MITF: variants seen among roughly 807,000 people sequenced by gnomAD.
MITF encodes melanocyte inducing transcription factor.
Under a neutral mutation model 60.5 loss-of-function variants are expected in MITF, and 17 were observed. That is an observed-to-expected ratio of 0.28 (90% CI 0.19 to 0.42). The LOEUF (loss-of-function observed/expected upper bound fraction) is 0.42, where lower values mean the gene tolerates loss of function less well. MITF is among the 10% of genes least tolerant of loss of function. The pLI, the probability that MITF is intolerant of heterozygous loss-of-function variation, is 1.00. For missense variants in MITF, 622 were observed against 683.5 expected (o/e 0.91, Z 1.00); for synonymous variants, 260 against 248.5 (o/e 1.05, Z -0.43).
At chr3:69,769,279 A>T (rs1372506298) in intron 1 of MITF, among the ~76,000 whole-genome samples, 1 of 152,216 alleles carries the variant, frequency 6.6e-6, no homozygotes, top group African/African-American at 2.4e-5. Context: ...TGTGGCAAGA[A>T]TTAAATGAGA....
At chr3:69,777,857 C>T (rs1232161418) in intron 1 of MITF, among the ~76,000 whole-genome samples, 2 of 151,968 alleles carry the variant, frequency 1.3e-5, no homozygotes, top group East Asian at 1.9e-4. Context: ...CTTTTTAAGC[C>T]ATGGTAAGAA....
At chr3:69,767,855 T>G (rs1050281858) in intron 1 of MITF, among the ~76,000 whole-genome samples, 1 of 152,144 alleles carries the variant, frequency 6.6e-6, no homozygotes, top group Non-Finnish European at 1.5e-5. Context: ...CTGAACTGTC[T>G]TTGTGAGGAA....
intron 2 of MITF, among the ~76,000 whole-genome samples, chr3:69,928,185 T>C (rs1298841055): frequency 6.6e-6 from 1 of 152,220 alleles, no homozygotes. Context: ...TACCTAAATC[T>C]TTGTCCCGTA....
At chr3:69,936,533 T>C (rs1403885196) in intron 2 of MITF, 3 of 1,331,784 alleles carry the variant, frequency 2.3e-6, no homozygotes, top group Non-Finnish European at 2.9e-6. Context: ...CGTTTTTTTT[T>C]ACATGCATAA....
chr3:69,783,599 A>G (rs1002227930), intron 1 of MITF, among the ~76,000 whole-genome samples: 3 of 151,948 alleles, frequency 2.0e-5, no homozygotes, highest in South Asian at 2.1e-4. Flanking sequence ...CTAAGGACCT[A>G]CTTACTCTAA....
Position 69,772,406 on chromosome 3 carries a change from G to A in MITF, c.104+32705G>A, listed in dbSNP as rs1018686402. Among the ~76,000 whole-genome samples the A allele has an allele frequency of 5.3e-5, 8 of 152,190 alleles. No homozygotes were observed. The South Asian group carries it at 6.2e-4, about 12-fold the overall frequency. On this transcript the variant is annotated intron_variant, in intron 1 of 9. Transcript: ENST00000352241. The stretch of plus-strand genomic sequence containing the variant: ...TGGTTCATGCCAGAAAGTTTTTGGA[G>A]TCTAGTCTCTTTTTTGGGATGTCCA...
At chr3:69,961,390 AC>A (rs2066541892) in intron 9 of MITF, among the ~76,000 whole-genome samples, 1 of 149,556 alleles carries the variant, frequency 6.7e-6, no homozygotes, top group African/African-American at 2.5e-5. Context: ...TCAAAAAAAA[AC>A]AAAAAAATAA....
chr3:69,790,803 T>C (rs1238073445), intron 1 of MITF, among the ~76,000 whole-genome samples: 2 of 151,396 alleles, frequency 1.3e-5, no homozygotes, highest in Admixed American at 6.6e-5. Flanking sequence ...CCACTTTCAG[T>C]CCTAGGCATG....
At chr3:69,876,627 A>C (rs113568936) in intron 1 of MITF, among the ~76,000 whole-genome samples, 2 of 152,206 alleles carry the variant, frequency 1.3e-5, no homozygotes, top group Non-Finnish European at 2.9e-5. Context: ...CATGATATTA[A>C]ATAATATGCA....
chr3:69,750,266 G>T (rs929896614), intron 1 of MITF, among the ~76,000 whole-genome samples: 2 of 152,076 alleles, frequency 1.3e-5, no homozygotes, highest in African/African-American at 4.8e-5. Flanking sequence ...TTATCACAGG[G>T]ATTGGTTTCA....
chr3:69,917,333 A>C lies in MITF; in HGVS notation c.355-20489A>C, dbSNP rs1416779826. Among the ~76,000 whole-genome samples, 3 of 151,674 alleles carry C rather than the reference A, an allele frequency of 2.0e-5. No individual in the cohort carries two copies. In the East Asian group the frequency reaches 5.8e-4, roughly 29 times the overall value. On this transcript the variant is annotated intron_variant, in intron 2 of 9. Coordinates refer to ENST00000352241, the MANE Select transcript of MITF (RefSeq NM_001354604.2). Reference sequence around the variant, plus strand: ...GTATTGGTTACCATCCCTGACTTTGAAATATGAAAATATGATGATATTTGA... The same window carrying C: ...GTATTGGTTACCATCCCTGACTTTGCAATATGAAAATATGATGATATTTGA...
In MITF at chr3:69,964,986, C is replaced by G; in HGVS notation, c.1319C>G (p.Ala440Gly). 6.2e-7 allele frequency: 1 copy of G among 1,614,136 alleles called. No individual in the cohort carries two copies. Among genetic ancestry groups the G allele is most frequent in the Non-Finnish European group, 8.5e-7 (1 of 1,180,024 alleles). Residue 440 changes from alanine (A) to glycine (G), a missense_variant, in exon 10 of 10, where the codon GCA (alanine) becomes GGA (glycine). Coordinates refer to ENST00000352241, the MANE Select transcript of MITF (RefSeq NM_001354604.2). ...AGCCAAGACCTCCTTCAGCATCATG[C>G]AGACCTAACCTGTACAACAACTCTC... ...NCSQDLLQHH[A>G]DLTCTTTLDL...
At chr3:69,897,653 TAGAG>T (rs1293246321) in intron 2 of MITF, among the ~76,000 whole-genome samples, 1 of 152,168 alleles carries the variant, frequency 6.6e-6, no homozygotes, top group Admixed American at 6.5e-5. Context: ...TGGACATTTA[TAGAG>T]AAAGTTTGCT....
At chr3:69,809,793 TG>T (rs2063072351) in intron 1 of MITF, among the ~76,000 whole-genome samples, 1 of 152,166 alleles carries the variant, frequency 6.6e-6, no homozygotes, top group Non-Finnish European at 1.5e-5. Context: ...TTGATCTACA[TG>T]GCTTTTAGCA....
chr3:69,867,858 G>A (rs1390957636), intron 1 of MITF, among the ~76,000 whole-genome samples: 1 of 152,152 alleles, frequency 6.6e-6, no homozygotes, highest in Non-Finnish European at 1.5e-5. Context: ...CTTGTCGTAA[G>A]AGCATGCTTC....
rs570535071 is a variant in MITF, at chr3:69,846,022, G to A, written c.105-33112G>A. Among the ~76,000 whole-genome samples the A allele has an allele frequency of 1.4e-4, 22 of 152,258 alleles. No homozygotes were observed. The South Asian group carries it at 4.6e-3, about 32-fold the overall frequency. On this transcript the variant is annotated intron_variant, in intron 1 of 9. Coordinates refer to ENST00000352241, the MANE Select transcript of MITF (RefSeq NM_001354604.2). ...GTAAATAAAAGAGGCAAAGATATGT[G>A]CCCTACTGGAGTTTACATTCTACTG... is the stretch of plus-strand genomic sequence containing the variant.
intron 1 of MITF, among the ~76,000 whole-genome samples, chr3:69,759,114 G>A (rs2062173598): frequency 6.6e-6 from 1 of 152,170 alleles, no homozygotes; most frequent in Non-Finnish European, 1.5e-5. Context: ...TTACTACTAG[G>A]GAAATACAGG....
At chr3:69,857,265 G>T (rs1049512116) in intron 1 of MITF, among the ~76,000 whole-genome samples, 1 of 152,072 alleles carries the variant, frequency 6.6e-6, no homozygotes, top group African/African-American at 2.4e-5. Flanking sequence ...CCATAGAGAG[G>T]AAAGTGTGGG....
In MITF at chr3:69,782,137, G is replaced by A. The variant is rs534420725; in HGVS notation, c.104+42436G>A. Among the ~76,000 whole-genome samples the A allele has an allele frequency of 5.3e-5, 8 of 152,340 alleles. No individual in the cohort carries two copies. The South Asian group carries it at 1.7e-3, about 32-fold the overall frequency. On this transcript the variant is annotated intron_variant, in intron 1 of 9. Coordinates refer to ENST00000352241, the MANE Select transcript of MITF (RefSeq NM_001354604.2). ...TGGCATTGTGCAGTGCACAGCCTGA[G>A]TGGCTGTACACAGAGGCCCTGCCCT...
Sources: allele counts gnomAD v4.1 joint callset (sites outside exome capture counted in the v4.1 genomes callset), GRCh38; gene constraint gnomAD v4.1.1; transcripts MANE v1.5; gene names NCBI Gene and HGNC (gene_info 2026-07-23, HGNC 2026-07-21).